The following TTC34 variants were observed in gnomAD, a reference collection of about 807,000 sequenced individuals.
TTC34 encodes tetratricopeptide repeat domain 34, also known as tetratricopeptide repeat protein 34.
In TTC34, 44 loss-of-function variants were observed where a neutral mutation model predicts 40.7. The observed-to-expected ratio is 1.08, with a 90% CI of 0.85 to 1.39. TTC34 has a LOEUF of 1.39. TTC34 is among the 40% of genes most tolerant of loss of function. The probability of loss-of-function intolerance (pLI) is 0.00; values close to 1 mark genes in which losing one functional copy is unlikely to be tolerated. For missense variants in TTC34, 884 were observed against 838.0 expected (o/e 1.05, Z -0.68); for synonymous variants, 422 against 398.6 (o/e 1.06, Z -0.70).
intron 6 of TTC34, among the ~76,000 whole-genome samples, chr1:2,780,259 T>C (rs759716482): frequency 6.6e-6 from 1 of 152,236 alleles, no homozygotes; most frequent in Non-Finnish European, 1.5e-5. Flanking sequence ...TACTCTATTA[T>C]AATAGTGTCC....
At chr1:2,687,701 C>G (rs1570818629) in intron 6 of TTC34, among the ~76,000 whole-genome samples, 1 of 151,868 alleles carries the variant, frequency 6.6e-6, no homozygotes, top group African/African-American at 2.4e-5. Context: ...AGTTGAGCAT[C>G]TGACAGCCGG....
At chr1:2,764,152 G>C (rs1426397555) in intron 6 of TTC34, among the ~76,000 whole-genome samples, 1 of 147,014 alleles carries the variant, frequency 6.8e-6, no homozygotes, top group Non-Finnish European at 1.5e-5. Flanking sequence ...TTCCAGGTGA[G>C]AATCTGACGC....
chr1:2,787,865 C>T (rs1307968622), intron 3 of TTC34, among the ~76,000 whole-genome samples, 159 bp from the exon 4 acceptor site: 1 of 152,236 alleles, frequency 6.6e-6, no homozygotes, highest in African/African-American at 2.4e-5. Flanking sequence ...GCCAAAGGTG[C>T]CCTTCCTAGC....
intron 6 of TTC34, among the ~76,000 whole-genome samples, chr1:2,767,812 G>C (rs192560204): frequency 7.9e-5 from 12 of 151,004 alleles, no homozygotes; most frequent in African/African-American, 2.4e-4. Context: ...CACACTCCCA[G>C]GTGAGCATCT....
At chr1:2,765,716 C>A (rs1641768059) in intron 6 of TTC34, among the ~76,000 whole-genome samples, 1 of 50,732 alleles carries the variant, frequency 2.0e-5, no homozygotes, top group Non-Finnish European at 3.2e-5. Context: ...GCATGCACAC[C>A]CCCAGGCGAG....
At chr1:2,686,605 C>A (rs1393205714) in intron 6 of TTC34, among the ~76,000 whole-genome samples, 3 of 150,378 alleles carry the variant, frequency 2.0e-5, no homozygotes, top group East Asian at 3.9e-4. Context: ...CACACACCCC[C>A]AGGCGAGCAT....
chr1:2,677,006 C>CAG (rs1639929572), intron 6 of TTC34, among the ~76,000 whole-genome samples: 1 of 6,372 alleles, frequency 1.6e-4, no homozygotes, highest in Admixed American at 2.2e-3. Context: ...GCAGCACCCA[C>CAG]CACTCCCAGG....
intron 6 of TTC34, among the ~76,000 whole-genome samples, chr1:2,691,617 C>G (rs981399835): frequency 5.6e-5 from 7 of 124,334 alleles, no homozygotes; most frequent in Admixed American, 1.7e-4. Flanking sequence ...GGAACAGCAC[C>G]CTGCACCCCC....
At chr1:2,777,451 T>G (rs942467749) in intron 6 of TTC34, among the ~76,000 whole-genome samples, 1 of 150,400 alleles carries the variant, frequency 6.6e-6, no homozygotes, top group Non-Finnish European at 1.5e-5. Flanking sequence ...GGACAAGTCC[T>G]GCCCCCCGGT....
intron 6 of TTC34, among the ~76,000 whole-genome samples, chr1:2,771,410 G>A (rs1395952402): frequency 1.4e-5 from 1 of 71,104 alleles, no homozygotes. Context: ...ACTCTTCCAG[G>A]TGAGAATCTG....
At chr1:2,781,486 T>A (rs1206778841) in intron 6 of TTC34, among the ~76,000 whole-genome samples, 1 of 152,256 alleles carries the variant, frequency 6.6e-6, no homozygotes, top group Non-Finnish European at 1.5e-5. Flanking sequence ...AGAGATAATT[T>A]TACTTCTTTC....
intron 6 of TTC34, among the ~76,000 whole-genome samples, chr1:2,759,873 T>TCTGACAGTGTGGAACAGCAC (rs1641636880): frequency 0.016 from 1,018 of 61,968 alleles, no homozygotes; most frequent in Admixed American, 0.023. Flanking sequence ...TGGAGTAGTA[T>TCTGACAGTGTGGAACAGCAC]CCTGCACCCT....
chr1:2,686,759 A>G (rs1570815357), intron 6 of TTC34, among the ~76,000 whole-genome samples: 2 of 134,270 alleles, frequency 1.5e-5, no homozygotes, highest in Admixed American at 7.4e-5. Context: ...AACGGCACCC[A>G]CACCCCCAGG....
intron 6 of TTC34, among the ~76,000 whole-genome samples, chr1:2,655,515 G>A (rs796668830): frequency 2.4e-5 from 1 of 41,320 alleles, no homozygotes; most frequent in African/African-American, 1.0e-4. Flanking sequence ...CATCTGACAG[G>A]CTGGAGCAGC....
intron 6 of TTC34, among the ~76,000 whole-genome samples, chr1:2,656,318 A>C (rs1255015794): frequency 0.012 from 648 of 53,398 alleles, no homozygotes; most frequent in Middle Eastern, 0.049. Flanking sequence ...ATCTGACAGC[A>C]TGCAACAGCA....
chr1:2,685,993 C>A (rs1340965860), intron 6 of TTC34, among the ~76,000 whole-genome samples: 5 of 119,410 alleles, frequency 4.2e-5, no homozygotes, highest in African/African-American at 6.9e-5. Flanking sequence ...TGTATCAGCA[C>A]CCACACCCCC....
At chr1:2,660,109 C>A (rs1639487237) in intron 6 of TTC34, among the ~76,000 whole-genome samples, 4 of 128,942 alleles carry the variant, frequency 3.1e-5, no homozygotes, top group Non-Finnish European at 5.3e-5. Flanking sequence ...GAACCCACAC[C>A]AACAGGCGAG....
At chr1:2,643,727 C>A (rs1386612124) in intron 8 of TTC34, among the ~76,000 whole-genome samples, 1 of 152,246 alleles carries the variant, frequency 6.6e-6, no homozygotes, top group Non-Finnish European at 1.5e-5. Flanking sequence ...CCGCCATGAG[C>A]TCCCTGTTCT....
intron 6 of TTC34, chr1:2,775,159 G>T (rs1277323083): frequency 7.3e-6 from 1 of 136,656 alleles, no homozygotes; most frequent in Non-Finnish European, 1.5e-5. Flanking sequence ...TTCCAGGTGA[G>T]AATCTGACGC....
Sources: gnomAD v4.1 joint callset for allele counts (sites outside exome capture counted in the v4.1 genomes callset) on GRCh38, gnomAD v4.1.1 for gene constraint, MANE v1.5 for transcripts, NCBI Gene and HGNC (gene_info 2026-07-23, HGNC 2026-07-21) for gene names.